DYM: variants seen among roughly 807,000 people sequenced by gnomAD.
The protein encoded by DYM is dymeclin.
Under a neutral mutation model 93.1 loss-of-function variants are expected in DYM, and 78 were observed. That is an observed-to-expected ratio of 0.84 (90% CI 0.70 to 1.01). DYM has a LOEUF of 1.01. DYM is among the 50% of genes least tolerant of loss of function. The probability of loss-of-function intolerance (pLI) is 0.00; values close to 1 mark genes in which losing one functional copy is unlikely to be tolerated. For missense variants in DYM, 789 were observed against 845.0 expected (o/e 0.93, Z 0.82); for synonymous variants, 321 against 319.7 (o/e 1.00, Z -0.04).
chr18:49,195,870 A>G (rs1038359941), intron 14 of DYM, among the ~76,000 whole-genome samples: 10 of 151,448 alleles, frequency 6.6e-5, no homozygotes, highest in African/African-American at 2.4e-4. Context: ...AGAGAACTAC[A>G]ACCAAATACT....
intron 1 of DYM, among the ~76,000 whole-genome samples, chr18:49,445,199 T>C (rs1249294148): frequency 6.6e-6 from 1 of 152,208 alleles, no homozygotes; most frequent in Non-Finnish European, 1.5e-5. Flanking sequence ...TTTTGCCTCT[T>C]GGCTGATAAA....
intron 8 of DYM, among the ~76,000 whole-genome samples, chr18:49,327,962 CA>C (rs2063021541): frequency 6.6e-6 from 1 of 152,148 alleles, no homozygotes; most frequent in Non-Finnish European, 1.5e-5. Flanking sequence ...ATCACAAGAA[CA>C]AAAGGCAGAA....
intron 14 of DYM, among the ~76,000 whole-genome samples, chr18:49,193,278 T>A (rs754038176): frequency 2.2e-4 from 33 of 152,124 alleles, no homozygotes; most frequent in Non-Finnish European, 3.8e-4. Context: ...ATGTTAGCTA[T>A]TATCACCACT....
intron 14 of DYM, among the ~76,000 whole-genome samples, chr18:49,200,296 C>T (rs2091886789): frequency 6.6e-6 from 1 of 151,782 alleles, no homozygotes; most frequent in African/African-American, 2.4e-5. Flanking sequence ...AAAGAAATGT[C>T]ATGTACATTT....
chr18:49,210,705 G>A (rs2092738560), intron 13 of DYM, among the ~76,000 whole-genome samples: 1 of 152,150 alleles, frequency 6.6e-6, no homozygotes, highest in Non-Finnish European at 1.5e-5. Context: ...GGATGATTAT[G>A]TGTCAATGCA....
intron 2 of DYM, among the ~76,000 whole-genome samples, chr18:49,421,411 C>T (rs1165440851): frequency 6.6e-6 from 1 of 152,202 alleles, no homozygotes; most frequent in East Asian, 1.9e-4. Flanking sequence ...CTCCAGCAAA[C>T]TCCAACAGAC....
chr18:49,071,674 G>T (rs1251786380), intron 17 of DYM, among the ~76,000 whole-genome samples: 4 of 152,160 alleles, frequency 2.6e-5, no homozygotes, highest in Admixed American at 6.5e-5. Flanking sequence ...ACTTACTTGG[G>T]GGCCTAAAAT....
intron 2 of DYM, among the ~76,000 whole-genome samples, chr18:49,400,946 T>C (rs2070742658): frequency 6.6e-6 from 1 of 152,168 alleles, no homozygotes; most frequent in South Asian, 2.1e-4. Flanking sequence ...AAACCATCAT[T>C]TGCAGTAAAT....
At chr18:49,202,522 G>A (rs535651105) in intron 14 of DYM, among the ~76,000 whole-genome samples, 3 of 135,382 alleles carry the variant, frequency 2.2e-5, no homozygotes, top group East Asian at 4.4e-4. Flanking sequence ...GTCTCCGCCC[G>A]GCCGCCATCC....
chr18:49,051,772 G>A lies in DYM; in HGVS notation c.2026-7568C>T, dbSNP rs562053156. ...GGCTGAGGTTCCAGGCGCTGCCCCCGTCCGTGCTGGCTAGTGAAGGCCTGG... is the reference window on the plus strand; with the variant it reads ...GGCTGAGGTTCCAGGCGCTGCCCCCATCCGTGCTGGCTAGTGAAGGCCTGG... On this transcript the variant is annotated intron_variant, in intron 17 of 17. Transcript: ENST00000675505. Among the ~76,000 whole-genome samples, 26 of 152,302 alleles carry A rather than the reference G, an allele frequency of 1.7e-4. No individual in the cohort carries two copies. In the East Asian group the frequency reaches 2.5e-3, roughly 15 times the overall value.
chr18:49,454,604 A>G (rs992633646), intron 1 of DYM, among the ~76,000 whole-genome samples: 12 of 152,076 alleles, frequency 7.9e-5, no homozygotes, highest in Admixed American at 7.9e-4. Context: ...TTCTCCATAT[A>G]AAAATCTGCT....
Position 49,414,780 on chromosome 18 carries a change from G to T in DYM, c.140+15475C>A, listed in dbSNP as rs201191411. Among the ~76,000 whole-genome samples, 59 of 152,096 alleles carry T rather than the reference G, an allele frequency of 3.9e-4. No individual in the cohort carries two copies. In the East Asian group the frequency reaches 6.6e-3, roughly 17 times the overall value. ...CTATTGCTCTCCATCACCTCACTCC[G>T]CTTCGCTTTTCTTCCTTACACTTGA... On this transcript the variant is annotated intron_variant, in intron 2 of 17. Coordinates refer to ENST00000675505, the MANE Select transcript of DYM (RefSeq NM_001353214.3).
At chr18:49,205,576 T>G (rs932838029) in intron 14 of DYM, among the ~76,000 whole-genome samples, 1 of 152,186 alleles carries the variant, frequency 6.6e-6, no homozygotes, top group Non-Finnish European at 1.5e-5. Context: ...TGATGGGTAC[T>G]ATCAATCATC....
At chr18:49,378,404 A>G (rs1160352892) in intron 5 of DYM, among the ~76,000 whole-genome samples, 163 bp downstream of exon 5, 1 of 152,230 alleles carries the variant, frequency 6.6e-6, no homozygotes, top group Non-Finnish European at 1.5e-5. Context: ...GTCTTGACTC[A>G]TTTAAATTAA....
intron 8 of DYM, among the ~76,000 whole-genome samples, chr18:49,302,270 T>C (rs1044060173): frequency 2.6e-5 from 4 of 152,162 alleles, no homozygotes; most frequent in African/African-American, 9.7e-5. Context: ...TGGCTCTAAA[T>C]AGATACTGTT....
At chr18:49,193,732 A>C (rs2091193212) in intron 14 of DYM, among the ~76,000 whole-genome samples, 1 of 152,234 alleles carries the variant, frequency 6.6e-6, no homozygotes, top group Non-Finnish European at 1.5e-5. Flanking sequence ...AAGGGACTCC[A>C]GAGAGACTTG....
At chr18:49,264,097 C>T (rs1451165889) in intron 11 of DYM, among the ~76,000 whole-genome samples, 5 of 121,106 alleles carry the variant, frequency 4.1e-5, no homozygotes, top group East Asian at 2.2e-4. Flanking sequence ...ATTGGATGGG[C>T]GTTGTTTTTT....
At chr18:49,123,543 G>A (rs113952908) in intron 15 of DYM, among the ~76,000 whole-genome samples, 105 of 152,284 alleles carry the variant, frequency 6.9e-4, no homozygotes, top group African/African-American at 2.5e-3. Flanking sequence ...TCTGGCACTA[G>A]TGTCTGGCCT....
At chr18:49,244,842 C>T (rs577306778) in intron 13 of DYM, among the ~76,000 whole-genome samples, 1 of 152,312 alleles carries the variant, frequency 6.6e-6, no homozygotes, top group East Asian at 1.9e-4. Context: ...CAAATACCTA[C>T]TGCACCATCA....
Sources: gnomAD v4.1 joint callset for allele counts (sites outside exome capture counted in the v4.1 genomes callset) on GRCh38, gnomAD v4.1.1 for gene constraint, MANE v1.5 for transcripts, NCBI Gene and HGNC (gene_info 2026-07-23, HGNC 2026-07-21) for gene names.